Variants in UBE2B observed in about 807,000 individuals in gnomAD.
The protein encoded by UBE2B is ubiquitin conjugating enzyme E2 B.
Under a neutral mutation model 24.6 loss-of-function variants are expected in UBE2B, and 11 were observed. The observed-to-expected ratio is 0.45, with a 90% confidence interval of 0.28 to 0.74. The LOEUF (loss-of-function observed/expected upper bound fraction) is 0.74. Ranked by LOEUF, UBE2B falls within the 30% of genes least tolerant of loss-of-function variation. UBE2B has a pLI of 0.13. For synonymous variants in UBE2B, 68 were observed against 62.4 expected (o/e 1.09, Z -0.42); for missense variants, 78 against 185.6 (o/e 0.42, Z 3.37).
At chr5:134,384,624 T>C (rs755221552) in intron 4 of UBE2B, among the ~76,000 whole-genome samples, 3 of 152,220 alleles carry the variant, frequency 2.0e-5, no homozygotes, top group Non-Finnish European at 4.4e-5. Context: ...TTCATATTTA[T>C]AGCATGGTTT....
intron 4 of UBE2B, among the ~76,000 whole-genome samples, chr5:134,386,000 G>A (rs1031209069): frequency 4.0e-5 from 6 of 149,170 alleles, no homozygotes; most frequent in African/African-American, 1.2e-4. Context: ...GTGACAGAGC[G>A]AGACTCCATC....
At chr5:134,376,755 T>C in intron 3 of UBE2B, 61 bp downstream of exon 3, 1 of 1,497,352 alleles carries the variant, frequency 6.7e-7, no homozygotes, top group East Asian at 2.3e-5. Flanking sequence ...TAGAAAATTG[T>C]AACACCAACA....
At chr5:134,386,350 C>T (rs1758800584) in intron 4 of UBE2B, among the ~76,000 whole-genome samples, 1 of 147,698 alleles carries the variant, frequency 6.8e-6, no homozygotes, top group Admixed American at 6.8e-5. Context: ...AAAAAAAGGG[C>T]CGGGCACAGT....
Position 134,382,365 on chromosome 5 carries a change from G to A in UBE2B, c.241+1557G>A, listed in dbSNP as rs35391257. 4.6e-3 allele frequency among the ~76,000 whole-genome samples: 695 copies of A among 152,108 alleles called. 3 individuals carry two copies. The highest frequency in any genetic ancestry group is 0.016 in the African/African-American group (657 of 41,472). ...CTACTTATGGAGGCTGAGGTGAGAG[G>A]ATCACTTGAGCCCAGGAGGTCAAGG... is the stretch of plus-strand genomic sequence containing the variant. On this transcript the variant is annotated intron_variant, in intron 4 of 5. Transcript: ENST00000265339.
At position 134,377,675 on chromosome 5, in the gene UBE2B, G is replaced by T. The variant is rs542259355; in HGVS notation, c.151+981G>T. ...GTTACCTTTTTTCTCTACATCAAGG[G>T]TTCTCAAGTGTGTGATCCATAAACC... On this transcript the variant is annotated intron_variant, in intron 3 of 5. Transcript: ENST00000265339. 2.6e-5 allele frequency among the ~76,000 whole-genome samples: 4 copies of T among 152,156 alleles called. No individual in the cohort carries two copies. The Middle Eastern group carries it at 0.014, about 518-fold the overall frequency.
chr5:134,388,942 AATTG>A, intron 5 of UBE2B: 1 of 234,480 alleles, frequency 4.3e-6, no homozygotes, highest in Non-Finnish European at 7.3e-6. Flanking sequence ...ACACTTCTTT[AATTG>A]TTTTTTTTTT....
intron 4 of UBE2B, among the ~76,000 whole-genome samples, chr5:134,384,865 C>T (rs1368783238): frequency 6.7e-6 from 1 of 149,152 alleles, no homozygotes; most frequent in African/African-American, 2.5e-5. Flanking sequence ...CTCCCCGCTT[C>T]AGTCCTAGGT....
intron 1 of UBE2B, 131 bp downstream of exon 1, chr5:134,371,770 C>T (rs909575037): frequency 3.6e-6 from 5 of 1,392,080 alleles, no homozygotes; most frequent in East Asian, 4.9e-5. Flanking sequence ...TGGCGGAAGC[C>T]GGGTCCTAGC....
At chr5:134,385,961 C>T (rs775298299) in intron 4 of UBE2B, among the ~76,000 whole-genome samples, 118 of 150,524 alleles carry the variant, frequency 7.8e-4, no homozygotes, top group Non-Finnish European at 1.4e-3. Flanking sequence ...TGCAGTGAGC[C>T]GAGATCACGC....
At chr5:134,371,774 T>A (rs932203406) in intron 1 of UBE2B, 135 bp downstream of exon 1, 1 of 1,363,746 alleles carries the variant, frequency 7.3e-7, no homozygotes, top group Non-Finnish European at 1.0e-6. Context: ...GGAAGCCGGG[T>A]CCTAGCCTCG....
At chr5:134,372,096 C>T (rs1311006769) in intron 1 of UBE2B, among the ~76,000 whole-genome samples, 1 of 152,248 alleles carries the variant, frequency 6.6e-6, no homozygotes, top group Non-Finnish European at 1.5e-5. Flanking sequence ...GCGAACCCCT[C>T]TCCCGACTCC....
intron 3 of UBE2B, among the ~76,000 whole-genome samples, chr5:134,377,031 T>C (rs1004658718): frequency 1.3e-5 from 2 of 152,216 alleles, no homozygotes; most frequent in Non-Finnish European, 2.9e-5. Flanking sequence ...TACTTTGTTA[T>C]CTTTGATATT....
At chr5:134,384,896 T>C (rs1758771491) in intron 4 of UBE2B, among the ~76,000 whole-genome samples, 1 of 152,218 alleles carries the variant, frequency 6.6e-6, no homozygotes, top group South Asian at 2.1e-4. Context: ...CCTAACGTGT[T>C]TTCCCTCTAG....
intron 3 of UBE2B, among the ~76,000 whole-genome samples, chr5:134,379,389 T>G (rs1758666326): frequency 1.3e-5 from 2 of 152,142 alleles, no homozygotes; most frequent in African/African-American, 4.8e-5. Context: ...TTCATGCCTG[T>G]AATCCCAGCA....
At chr5:134,378,496 A>G (rs1024115817) in intron 3 of UBE2B, among the ~76,000 whole-genome samples, 1 of 152,182 alleles carries the variant, frequency 6.6e-6, no homozygotes, top group Non-Finnish European at 1.5e-5. Context: ...TCCTGACCTC[A>G]GGTGATCTGC....
At chr5:134,385,900 C>T (rs1160994604) in intron 4 of UBE2B, among the ~76,000 whole-genome samples, 1 of 151,894 alleles carries the variant, frequency 6.6e-6, no homozygotes. Flanking sequence ...GTAATCCCAC[C>T]TACTTGGGAG....
intron 3 of UBE2B, among the ~76,000 whole-genome samples, chr5:134,378,170 T>TA (rs1423721179): frequency 6.6e-6 from 1 of 152,172 alleles, no homozygotes; most frequent in Non-Finnish European, 1.5e-5. Context: ...ACCTTGTCTT[T>TA]AAAAAAGTTA....
At chr5:134,386,634 A>C (rs1758806630) in intron 4 of UBE2B, among the ~76,000 whole-genome samples, 1 of 148,542 alleles carries the variant, frequency 6.7e-6, no homozygotes, top group South Asian at 2.1e-4. Context: ...CTCCATCTCA[A>C]AAAAAAAAAA....
intron 4 of UBE2B, among the ~76,000 whole-genome samples, chr5:134,382,457 A>C (rs1758723458): frequency 6.6e-6 from 1 of 152,132 alleles, no homozygotes; most frequent in Non-Finnish European, 1.5e-5. Context: ...CTATCTCAAA[A>C]GTACAATTTT....
Sources: allele counts gnomAD v4.1 joint callset (sites outside exome capture counted in the v4.1 genomes callset), GRCh38; gene constraint gnomAD v4.1.1; transcripts MANE v1.5; gene names NCBI Gene and HGNC (gene_info 2026-07-23, HGNC 2026-07-21).